UBXN11: variants seen among roughly 807,000 people sequenced by gnomAD.
UBXN11 encodes the protein UBX domain-containing protein 11.
UBXN11 carries 47 observed loss-of-function variants against 62.8 expected under a neutral mutation model. The ratio of observed to expected loss-of-function variants is 0.75; its 90% CI spans 0.59 to 0.95. The LOEUF (loss-of-function observed/expected upper bound fraction) is 0.95. Among genes scored for constraint, UBXN11 ranks in the 40% least tolerant of loss-of-function variants. UBXN11 has a pLI of 0.00. For synonymous variants in UBXN11, 294 were observed against 267.0 expected (o/e 1.10, Z -0.99); for missense variants, 638 against 661.7 (o/e 0.96, Z 0.39).
intron 1 of UBXN11, chr1:26,306,334 C>T (rs943331105): frequency 1.4e-4 from 22 of 152,484 alleles, no homozygotes; most frequent in African/African-American, 5.1e-4. Flanking sequence ...TCCCCAGAGC[C>T]CAGAGCTCTG....
In UBXN11 at chr1:26,282,328, A is replaced by AGGGACTGGGGCCGGGACCGGGACC. The variant is rs66614970; in HGVS notation, c.1510_1533dup (p.Gly504_Pro511dup). Reference sequence around the variant, plus strand: ...TGGGGGCTGGGACTGGGTCCAGGACAGGGACTGGGGCCGGGACCGGGACCG... The same window carrying AGGGACTGGGGCCGGGACCGGGACC: ...TGGGGGCTGGGACTGGGTCCAGGACAGGGACTGGGGCCGGGACCGGGACCGGGACTGGGGCCGGGACCGGGACCG... On this transcript the variant is annotated inframe_insertion, in exon 15 of 15. Transcript: ENST00000374222. 0.028 allele frequency: 22,019 copies of AGGGACTGGGGCCGGGACCGGGACC among 773,174 alleles called. 2,165 individuals carry two copies. In the East Asian group the frequency reaches 0.32, roughly 11 times the overall value. 47.9% of individuals were successfully genotyped at this position (773,174 alleles called of 1,614,324 possible).
chr1:26,290,676 G>A (rs1387713304), intron 8 of UBXN11, among the ~76,000 whole-genome samples: 1 of 152,164 alleles, frequency 6.6e-6, no homozygotes, highest in East Asian at 1.9e-4. Flanking sequence ...TGGGGCTTGA[G>A]AGGAAGGAGG....
chr1:26,290,908 C>T (rs2073247943), intron 8 of UBXN11, among the ~76,000 whole-genome samples: 1 of 152,120 alleles, frequency 6.6e-6, no homozygotes, highest in African/African-American at 2.4e-5. Flanking sequence ...CAACACCTGG[C>T]CCCAGTGGCG....
At position 26,282,368 on chromosome 1, in the gene UBXN11, ACCGGGACCGGGACTGGGG is replaced by A. The variant is rs760007420; in HGVS notation, c.1476_1493del (p.Ser494_Pro499del). On this transcript the variant is annotated inframe_deletion, in exon 15 of 15. Transcript: ENST00000374222. The stretch of plus-strand genomic sequence containing the variant: ...GACCGGGACCGGGACTGGGGCCGGG[ACCGGGACCGGGACTGGGG>A]CCGGGACCGGGACCGGGACAGGGAC... 125 of 850,924 alleles carry A rather than the reference ACCGGGACCGGGACTGGGG, an allele frequency of 1.5e-4. 2 individuals carry two copies. Among genetic ancestry groups the A allele is most frequent in the Middle Eastern group, 1.0e-3 (3 of 2,882 alleles). 52.7% of individuals were successfully genotyped at this position (850,924 alleles called of 1,614,324 possible). A position where few individuals can be genotyped will look rare whatever the true frequency, so the allele number is the denominator to read the frequency against.
At position 26,302,762 on chromosome 1, in the gene UBXN11, G is replaced by A. The variant is rs781153475; in HGVS notation, c.71+51C>T. On this transcript the variant is annotated intron_variant, in intron 2 of 14. Coordinates refer to ENST00000374222, the MANE Select transcript of UBXN11 (RefSeq NM_001389556.1). Reference sequence around the variant, plus strand: ...ACTGTCCTCTGGCCATGGAAGGATAGAAGAGGATACAGAGGCGGGGACAGA... The same window carrying A: ...ACTGTCCTCTGGCCATGGAAGGATAAAAGAGGATACAGAGGCGGGGACAGA... 4 of 1,583,910 alleles carry A rather than the reference G, an allele frequency of 2.5e-6. No homozygotes were observed. The Admixed American group carries it at 6.8e-5, about 27-fold the overall frequency.
intron 7 of UBXN11, among the ~76,000 whole-genome samples, chr1:26,296,141 C>T (rs532062006): frequency 6.6e-6 from 1 of 152,222 alleles, no homozygotes; most frequent in Non-Finnish European, 1.5e-5. Context: ...AGGGCCCATG[C>T]GTGCCTGGGA....
intron 10 of UBXN11, 143 bp downstream of exon 10, chr1:26,285,321 A>C (rs1381732693): frequency 4.0e-6 from 6 of 1,496,254 alleles, no homozygotes; most frequent in Non-Finnish European, 5.4e-6. Context: ...CCGGCTTCAG[A>C]CTTATCCTCC....
intron 2 of UBXN11, 27 bp downstream of exon 2, chr1:26,302,786 G>C: frequency 6.2e-7 from 1 of 1,602,536 alleles, no homozygotes; most frequent in East Asian, 2.2e-5. Context: ...GGCGGGGACA[G>C]AAAGACCCCT....
chr1:26,306,834 GGGGGGGGTGGTTC>G (rs2073681727), upstream of UBXN11: 1 of 40,110 alleles, frequency 2.5e-5, no homozygotes, highest in Non-Finnish European at 8.6e-5. Context: ...CGGGGTGGGG[GGGGGGGGTGGTTC>G]GTTCCTACCC....
chr1:26,303,781 T>A (rs561750132), intron 1 of UBXN11, among the ~76,000 whole-genome samples: 5 of 152,016 alleles, frequency 3.3e-5, no homozygotes, highest in Non-Finnish European at 7.4e-5. Context: ...TCTGAGCAGA[T>A]TCAGAGATAA....
Position 26,297,989 on chromosome 1 carries a change from C to T in UBXN11, c.273G>A (p.Lys91=), listed in dbSNP as rs564062977. The part of the protein sequence containing the change: ...RKLWDLEQQV[K]AQTDEILSKD... Reference sequence around the variant, plus strand: ...TGGACAGTATCTCATCAGTCTGGGCCTTCACCTGCTGCTCCAGGTCCCACA... The same window carrying T: ...TGGACAGTATCTCATCAGTCTGGGCTTTCACCTGCTGCTCCAGGTCCCACA... Residue 91 remains lysine (K), a synonymous_variant, in exon 5 of 15, where the codon AAG becomes AAA. Coordinates refer to ENST00000374222, the MANE Select transcript of UBXN11 (RefSeq NM_001389556.1). The T allele has an allele frequency of 1.9e-6, 3 of 1,614,050 alleles. No homozygotes were observed. Among genetic ancestry groups the T allele is most frequent in the Non-Finnish European group, 2.5e-6 (3 of 1,179,980 alleles).
intron 1 of UBXN11, among the ~76,000 whole-genome samples, chr1:26,312,372 T>A (rs769304689): frequency 4.6e-5 from 7 of 152,078 alleles, no homozygotes; most frequent in Non-Finnish European, 8.8e-5. Context: ...TGCCTCAGCG[T>A]CCTGAGTAGC....
rs539227286 is a variant in UBXN11, at chr1:26,293,441, TG to T, written c.559+763del. The stretch of plus-strand genomic sequence containing the variant: ...GATATTAGAAGTTAAAAATAAGACA[TG>T]GTAGGCCAGGCGTGGTGGCTCACAC... On this transcript the variant is annotated intron_variant, in intron 8 of 14. Transcript: ENST00000374222. 9.2e-5 allele frequency among the ~76,000 whole-genome samples: 14 copies of T among 151,964 alleles called. No homozygotes were observed. In the East Asian group the frequency reaches 2.7e-3, roughly 29 times the overall value.
At chr1:26,310,983 G>A (rs997570355), upstream of UBXN11, among the ~76,000 whole-genome samples, 2 of 151,960 alleles carry the variant, frequency 1.3e-5, no homozygotes, top group South Asian at 4.1e-4. Flanking sequence ...CATCTTGATC[G>A]CATCCAGTGG....
intron 1 of UBXN11, among the ~76,000 whole-genome samples, chr1:26,305,758 G>A (rs1288317201): frequency 6.6e-6 from 1 of 151,784 alleles, no homozygotes; most frequent in African/African-American, 2.4e-5. Flanking sequence ...TTCTTAATGG[G>A]ACCCCATCAC....
chr1:26,308,871 T>C (rs1263296714), upstream of UBXN11, among the ~76,000 whole-genome samples: 1 of 151,594 alleles, frequency 6.6e-6, no homozygotes, highest in African/African-American at 2.4e-5. Context: ...AGGCAGACAC[T>C]CAGTAAACAT....
upstream of UBXN11, among the ~76,000 whole-genome samples, chr1:26,307,572 G>T (rs2124678150): frequency 6.7e-6 from 1 of 149,942 alleles, no homozygotes; most frequent in East Asian, 2.0e-4. Flanking sequence ...ACTTCTTTGT[G>T]CCCAGGTTCA....
chr1:26,283,213 C>T (rs557396645), intron 12 of UBXN11, among the ~76,000 whole-genome samples: 84 of 152,220 alleles, frequency 5.5e-4, no homozygotes, highest in Middle Eastern at 3.4e-3. Context: ...CCCACCCCAG[C>T]CTGGGGTCAG....
Position 26,285,947 on chromosome 1 carries a change from TG to T in UBXN11, c.649del (p.Gln217LysfsTer2). 6.2e-7 allele frequency: 1 copy of T among 1,613,586 alleles called. No homozygotes were observed. The highest frequency in any genetic ancestry group is 8.5e-7 in the Non-Finnish European group (1 of 1,179,640). Reference sequence around the variant, plus strand: ...TGCCCCGCCGGGCACTGGTGTCACTTGGGTGTCACCCTCTACCACCAGCTCA... The same window carrying T: ...TGCCCCGCCGGGCACTGGTGTCACTTGGTGTCACCCTCTACCACCAGCTCA... ...LSELVVEGDT[Q>X]VTPVPGGARL... On this transcript the variant is annotated frameshift_variant, in exon 9 of 15. Coordinates refer to ENST00000374222, the MANE Select transcript of UBXN11 (RefSeq NM_001389556.1). LOFTEE classifies it high-confidence loss of function.
Sources: allele counts gnomAD v4.1 joint callset (sites outside exome capture counted in the v4.1 genomes callset), GRCh38; gene constraint gnomAD v4.1.1; transcripts MANE v1.5; gene names NCBI Gene and HGNC (gene_info 2026-07-23, HGNC 2026-07-21).